The following DAAM2 variants were observed in gnomAD, a reference collection of about 807,000 sequenced individuals.
The protein encoded by DAAM2 is dishevelled associated activator of morphogenesis 2.
Under a neutral mutation model 120.7 loss-of-function variants are expected in DAAM2, and 39 were observed. That is an observed-to-expected ratio of 0.32 (90% CI 0.25 to 0.42). The LOEUF is 0.42. Among genes scored for constraint, DAAM2 ranks in the 10% least tolerant of loss-of-function variants. The pLI, the probability that DAAM2 is intolerant of heterozygous loss-of-function variation, is 1.00. For synonymous variants in DAAM2, 488 were observed against 524.9 expected (o/e 0.93, Z 0.96); for missense variants, 1,283 against 1,401.7 (o/e 0.92, Z 1.35).
intron 1 of DAAM2, among the ~76,000 whole-genome samples, chr6:39,823,883 C>T (rs115440525): frequency 8.5e-5 from 13 of 152,276 alleles, no homozygotes; most frequent in Admixed American, 5.2e-4. Context: ...CTTCCACCTC[C>T]TTTCCCTCCT....
intron 1 of DAAM2, chr6:39,856,034 G>C (rs1368252988): frequency 1.0e-6 from 1 of 985,008 alleles, no homozygotes; most frequent in Non-Finnish European, 1.2e-6. Context: ...AGGACATGGT[G>C]GGGAGGATAT....
intron 1 of DAAM2, among the ~76,000 whole-genome samples, chr6:39,795,013 A>C (rs1288904813): frequency 1.3e-5 from 2 of 152,146 alleles, no homozygotes; most frequent in Non-Finnish European, 2.9e-5. Flanking sequence ...GGTTTCTGGG[A>C]GTGCTGCATG....
intron 19 of DAAM2, 119 bp from the exon 20 acceptor site, chr6:39,896,693 A>G (rs1766112491): frequency 1.3e-6 from 1 of 782,256 alleles, no homozygotes; most frequent in Non-Finnish European, 1.9e-6. Flanking sequence ...CCTCACTGAG[A>G]GTTGAAGGCA....
intron 1 of DAAM2, among the ~76,000 whole-genome samples, chr6:39,818,082 G>A (rs1408481756): frequency 6.6e-6 from 1 of 151,594 alleles, no homozygotes; most frequent in Non-Finnish European, 1.5e-5. Flanking sequence ...GGGAGGCTGA[G>A]GCAGGAGAAT....
At chr6:39,823,055 T>C (rs1203386037) in intron 1 of DAAM2, 2 of 152,246 alleles carry the variant, frequency 1.3e-5, no homozygotes, top group Non-Finnish European at 2.9e-5. Context: ...CTGAATCATC[T>C]GAATGACCAC....
chr6:39,871,050 C>A (rs192846683), intron 8 of DAAM2, among the ~76,000 whole-genome samples: 2 of 152,240 alleles, frequency 1.3e-5, no homozygotes, highest in Admixed American at 1.3e-4. Context: ...GACTTGGAGA[C>A]CCTATGAAAG....
In DAAM2 at chr6:39,879,309, CCTT is replaced by C; in HGVS notation, c.1679_1681del (p.Leu560del). 6.4e-7 allele frequency: 1 copy of C among 1,561,520 alleles called. No individual in the cohort carries two copies. The highest frequency in any genetic ancestry group is 2.3e-5 in the East Asian group (1 of 43,880). On this transcript the variant is annotated inframe_deletion, in exon 14 of 25. Coordinates refer to ENST00000274867, the MANE Select transcript of DAAM2 (RefSeq NM_001201427.2). ...GTTGTCCCCCTCCCCCACCACCACC[CCTT>C]CCTCCCGGGGGACCCCCGACTCCCC...
At chr6:39,828,623 T>A (rs1238032488) in intron 1 of DAAM2, among the ~76,000 whole-genome samples, 2 of 147,168 alleles carry the variant, frequency 1.4e-5, no homozygotes, top group Admixed American at 1.4e-4. Flanking sequence ...AGTGCAATGG[T>A]GCGATCTCAG....
intron 1 of DAAM2, chr6:39,792,965 A>G (rs302623): frequency 0.9 from 136,701 of 152,250 alleles, 62,580 homozygotes; most frequent in Non-Finnish European, 0.99. Flanking sequence ...GGGCAGCCGT[A>G]AGGTTCTTGT....
At chr6:39,846,838 G>C (rs1763613379) in intron 1 of DAAM2, among the ~76,000 whole-genome samples, 1 of 152,070 alleles carries the variant, frequency 6.6e-6, no homozygotes, top group Non-Finnish European at 1.5e-5. Flanking sequence ...GTACTTAGGG[G>C]CCCAACAAAT....
chr6:39,891,849 A>C, intron 19 of DAAM2, 127 bp downstream of exon 19: 1 of 714,676 alleles, frequency 1.4e-6, no homozygotes. Context: ...CAAAAACAAA[A>C]AGTCAAAGAC....
At chr6:39,802,840 C>T (rs990744259) in intron 1 of DAAM2, among the ~76,000 whole-genome samples, 17 of 152,066 alleles carry the variant, frequency 1.1e-4, no homozygotes, top group Non-Finnish European at 1.0e-4. Flanking sequence ...CATCCACCAC[C>T]CCAGCCCTGC....
At position 39,900,273 on chromosome 6, in the gene DAAM2, T is replaced by C; in HGVS notation, c.2811+65T>C. 2.6e-6 allele frequency: 4 copies of C among 1,565,372 alleles called. No homozygotes were observed. The South Asian group carries it at 3.5e-5, about 14-fold the overall frequency. ...TTATCTAAACAAGCTCCTTCACCCA[T>C]TCCTACCACAGACAGCCCAGGAGGG... On this transcript the variant is annotated intron_variant, in intron 23 of 24. Coordinates refer to ENST00000274867, the MANE Select transcript of DAAM2 (RefSeq NM_001201427.2).
intron 19 of DAAM2, among the ~76,000 whole-genome samples, chr6:39,896,465 A>T (rs1370933337): frequency 6.6e-6 from 1 of 152,170 alleles, no homozygotes; most frequent in African/African-American, 2.4e-5. Flanking sequence ...GGCCTCCCAA[A>T]GTGCTGGGAT....
intron 1 of DAAM2, among the ~76,000 whole-genome samples, chr6:39,846,624 C>G (rs1402773516): frequency 6.6e-6 from 1 of 152,098 alleles, no homozygotes; most frequent in Non-Finnish European, 1.5e-5. Flanking sequence ...GACTAGAACC[C>G]CCGCTGGGCT....
chr6:39,896,052 C>T (rs902643374), intron 19 of DAAM2, among the ~76,000 whole-genome samples: 5 of 150,810 alleles, frequency 3.3e-5, no homozygotes, highest in Admixed American at 6.6e-5. Context: ...TTTTTCTTTC[C>T]AAAAAACCAA....
chr6:39,886,754 C>T (rs532916746), intron 15 of DAAM2: 113 of 311,484 alleles, frequency 3.6e-4, no homozygotes, highest in Middle Eastern at 8.8e-4. Context: ...AGGGTAGGCA[C>T]GACACAATTC....
At chr6:39,794,684 T>G (rs1300083380) in intron 1 of DAAM2, among the ~76,000 whole-genome samples, 3 of 152,118 alleles carry the variant, frequency 2.0e-5, no homozygotes, top group Non-Finnish European at 4.4e-5. Flanking sequence ...AAGTTTTTGA[T>G]GCAAAACAGA....
At chr6:39,814,188 C>CTTTT (rs5875686) in intron 1 of DAAM2, among the ~76,000 whole-genome samples, 1 of 139,874 alleles carries the variant, frequency 7.1e-6, no homozygotes, top group Non-Finnish European at 1.5e-5. Context: ...TTCTTTCTTT[C>CTTTT]TTTTTTTTTT....
Sources: gnomAD v4.1 joint callset for allele counts (sites outside exome capture counted in the v4.1 genomes callset) on GRCh38, gnomAD v4.1.1 for gene constraint, MANE v1.5 for transcripts, NCBI Gene and HGNC (gene_info 2026-07-23, HGNC 2026-07-21) for gene names.